PPM1L: variants seen among roughly 807,000 people sequenced by gnomAD.
The protein encoded by PPM1L is protein phosphatase 1L.
In PPM1L, 13 loss-of-function variants were observed where a neutral mutation model predicts 31.4. That is an observed-to-expected ratio of 0.41 (90% confidence interval 0.27 to 0.66). PPM1L has a LOEUF of 0.66. PPM1L is among the 30% of genes least tolerant of loss of function. PPM1L has a pLI of 0.29. For missense variants in PPM1L, 326 were observed against 453.7 expected, an observed-to-expected ratio of 0.72 and a Z score of 2.56; for synonymous variants, 184 against 175.4, an observed-to-expected ratio of 1.05 and a Z score of -0.39.
chr3:160,942,932 A>G (rs1329624870), intron 1 of PPM1L, among the ~76,000 whole-genome samples: 1 of 151,938 alleles, frequency 6.6e-6, no homozygotes, highest in Non-Finnish European at 1.5e-5. Context: ...TACTGCTTAC[A>G]CTCTACCTAT....
intron 1 of PPM1L, among the ~76,000 whole-genome samples, chr3:160,885,564 A>T (rs79247350): frequency 3.9e-3 from 588 of 152,292 alleles, no homozygotes; most frequent in Non-Finnish European, 6.2e-3. Context: ...GGCTGGCATG[A>T]TCCACGAAGA....
intron 1 of PPM1L, among the ~76,000 whole-genome samples, chr3:160,899,336 G>A (rs1350419580): frequency 6.6e-6 from 1 of 152,190 alleles, no homozygotes; most frequent in Admixed American, 6.6e-5. Context: ...ACTGGGTTGA[G>A]ATGGACTTGG....
At chr3:161,064,360 C>T (rs1233640394) in intron 2 of PPM1L, among the ~76,000 whole-genome samples, 1 of 146,912 alleles carries the variant, frequency 6.8e-6, no homozygotes, top group Non-Finnish European at 1.5e-5. Context: ...GAGCAAGACC[C>T]TATCTCTTAA....
intron 1 of PPM1L, chr3:160,842,179 T>C (rs925284857): frequency 8.7e-6 from 6 of 689,564 alleles, no homozygotes; most frequent in Non-Finnish European, 1.6e-5. Context: ...GGAGGACTCA[T>C]GCAGGAGCTG....
intron 1 of PPM1L, among the ~76,000 whole-genome samples, chr3:160,849,393 CTCTTTCTT>C (rs540054052): frequency 3.5e-4 from 53 of 151,338 alleles, no homozygotes; most frequent in South Asian, 2.9e-3. Flanking sequence ...GACCTGCATT[CTCTTTCTT>C]TCTTTCTTTC....
Position 161,077,342 on chromosome 3 carries a change from G to A in PPM1L, c.*8185G>A, listed in dbSNP as rs1045990154. 3.3e-5 allele frequency: 5 copies of A among 152,174 alleles called. No homozygotes were observed. Among genetic ancestry groups the A allele is most frequent in the African/African-American group, 1.2e-4 (5 of 41,428 alleles). The allele number at this position is 152,174 out of a possible 1,614,324, so 9.4% of individuals were successfully genotyped here. On this transcript the variant is annotated 3_prime_UTR_variant, in exon 4 of 4. Transcript: ENST00000498165. ...TGGGGAGTGAGACATGGAGCCTCTGGGGACAAGGATAGGGGGGTGGGACTG... is the reference window on the plus strand; with the variant it reads ...TGGGGAGTGAGACATGGAGCCTCTGAGGACAAGGATAGGGGGGTGGGACTG...
chr3:160,961,740 C>A lies in PPM1L; in HGVS notation c.404C>A (p.Ala135Glu). 6.3e-7 allele frequency: 1 copy of A among 1,576,486 alleles called. No homozygotes were observed. Among genetic ancestry groups the A allele is most frequent in the Non-Finnish European group, 8.6e-7 (1 of 1,166,716 alleles). The change falls in exon 2 of 4, where the codon GCA becomes GAA. Residue 135 changes from alanine (A) to glutamate (E), a missense_variant. Transcript: ENST00000498165. Reference protein sequence around the residue: ...GIFDGHGGETAAEYVKSRLPE... With the variant: ...GIFDGHGGETEAEYVKSRLPE... ...CTCTGACTGTTTTATCTGCAGACTG[C>A]AGCTGAATATGTAAAATCTCGACTC...
chr3:160,787,355 G>A (rs1711966003), intron 1 of PPM1L, among the ~76,000 whole-genome samples: 1 of 152,168 alleles, frequency 6.6e-6, no homozygotes, highest in South Asian at 2.1e-4. Flanking sequence ...TTAATGAATA[G>A]TGATGTTGAG....
intron 1 of PPM1L, among the ~76,000 whole-genome samples, chr3:160,810,432 T>C (rs1341045312): frequency 6.6e-6 from 1 of 152,124 alleles, no homozygotes; most frequent in Non-Finnish European, 1.5e-5. Flanking sequence ...GAATCTGGAG[T>C]CTTCTGGTTT....
chr3:161,023,730 C>T (rs993956193), intron 2 of PPM1L, among the ~76,000 whole-genome samples: 1 of 152,136 alleles, frequency 6.6e-6, no homozygotes, highest in African/African-American at 2.4e-5. Flanking sequence ...AGTCTAACAT[C>T]TGGGCTTACT....
chr3:160,884,591 C>T (rs1057135655), intron 1 of PPM1L, among the ~76,000 whole-genome samples: 7 of 152,224 alleles, frequency 4.6e-5, no homozygotes, highest in South Asian at 4.1e-4. Flanking sequence ...GACACCATTA[C>T]GAAGTAAACA....
chr3:161,001,530 C>T (rs1576773187), intron 2 of PPM1L, among the ~76,000 whole-genome samples: 3 of 152,148 alleles, frequency 2.0e-5, no homozygotes, highest in East Asian at 3.8e-4. Flanking sequence ...ATTCGCCCCC[C>T]AAAGTGCTGG....
Position 160,853,809 on chromosome 3 carries a change from A to G in PPM1L, c.399+97102A>G, listed in dbSNP as rs147117770. ...ATACAAAGTATTGGTAAAAGAAAAG[A>G]TAGTTCACACTGAGTTTGTTTTCAA... On this transcript the variant is annotated intron_variant, in intron 1 of 3. Coordinates refer to ENST00000498165, the MANE Select transcript of PPM1L (RefSeq NM_139245.4). 2.2e-3 allele frequency among the ~76,000 whole-genome samples: 335 copies of G among 152,334 alleles called. 2 individuals carry two copies. Among genetic ancestry groups the G allele is most frequent in the African/African-American group, 7.7e-3 (319 of 41,570 alleles).
intron 1 of PPM1L, among the ~76,000 whole-genome samples, chr3:160,915,756 A>G (rs1046864011): frequency 4.6e-5 from 7 of 152,336 alleles, no homozygotes; most frequent in Non-Finnish European, 7.3e-5. Context: ...ATAATGCTGC[A>G]TATCTACAAC....
At chr3:160,849,796 C>T (rs1714206466) in intron 1 of PPM1L, among the ~76,000 whole-genome samples, 1 of 151,908 alleles carries the variant, frequency 6.6e-6, no homozygotes, top group Non-Finnish European at 1.5e-5. Flanking sequence ...GATCTCCTGA[C>T]CTCGTGATCC....
At chr3:160,912,923 G>C (rs1447887254) in intron 1 of PPM1L, among the ~76,000 whole-genome samples, 1 of 152,170 alleles carries the variant, frequency 6.6e-6, no homozygotes, top group Non-Finnish European at 1.5e-5. Context: ...GAAGAATGAT[G>C]TAGATAACCC....
Position 160,756,269 on chromosome 3 carries a change from C to G in PPM1L, c.-40C>G. 6.4e-7 allele frequency: 1 copy of G among 1,567,450 alleles called. No homozygotes were observed. Among genetic ancestry groups the G allele is most frequent in the Non-Finnish European group, 8.7e-7 (1 of 1,153,668 alleles). On this transcript the variant is annotated 5_prime_UTR_variant, in exon 1 of 4. Transcript: ENST00000498165. The surrounding 1 kb of genome is among the most constrained non-coding windows in gnomAD (Gnocchi z 6.2). The stretch of plus-strand genomic sequence containing the variant: ...TCCCGGACCCGGCGAGCCTTCGGGG[C>G]GCGCGTCGCTGGTGGTGGTTGAGGC...
At chr3:160,874,855 G>A (rs2108032528) in intron 1 of PPM1L, among the ~76,000 whole-genome samples, 1 of 152,272 alleles carries the variant, frequency 6.6e-6, no homozygotes, top group Non-Finnish European at 1.5e-5. Flanking sequence ...AGAGGGGTAT[G>A]CCAGAGGAAC....
intron 1 of PPM1L, chr3:160,842,213 A>T: frequency 1.4e-6 from 1 of 698,270 alleles, no homozygotes; most frequent in East Asian, 2.7e-5. Context: ...GGAAGAATTC[A>T]TGCAGGTGGA....
Sources: gnomAD v4.1 joint callset for allele counts (sites outside exome capture counted in the v4.1 genomes callset) on GRCh38, gnomAD v4.1.1 for gene constraint, Gnocchi (gnomAD v3.1) non-coding constraint, MANE v1.5 for transcripts, NCBI Gene and HGNC (gene_info 2026-07-23, HGNC 2026-07-21) for gene names.